The following EEFSEC variants were observed in gnomAD, a reference collection of about 807,000 sequenced individuals.
EEFSEC encodes the protein selenocysteine-specific elongation factor.
Under a neutral mutation model 42.1 loss-of-function variants are expected in EEFSEC, and 43 were observed. The ratio of observed to expected loss-of-function variants is 1.02; its 90% CI spans 0.80 to 1.32. EEFSEC has a LOEUF of 1.32. Among genes scored for constraint, EEFSEC ranks in the 40% most tolerant of loss-of-function variants. The probability of loss-of-function intolerance (pLI) is 0.00; values close to 1 mark genes in which losing one functional copy is unlikely to be tolerated. For missense variants in EEFSEC, 745 were observed against 803.6 expected (o/e 0.93, Z 0.88); for synonymous variants, 354 against 339.1 (o/e 1.04, Z -0.48).
intron 4 of EEFSEC, among the ~76,000 whole-genome samples, chr3:128,301,070 A>G (rs2066762509): frequency 6.6e-6 from 1 of 152,198 alleles, no homozygotes; most frequent in Non-Finnish European, 1.5e-5. Context: ...ATGGAGAAGA[A>G]CCTATCAGCA....
chr3:128,214,296 C>T (rs1270255622), intron 1 of EEFSEC, among the ~76,000 whole-genome samples: 4 of 152,258 alleles, frequency 2.6e-5, no homozygotes, highest in East Asian at 1.9e-4. Flanking sequence ...AGCAGTGAGG[C>T]GAGGGCTGTG....
intron 1 of EEFSEC, among the ~76,000 whole-genome samples, chr3:128,226,032 A>G (rs891971461): frequency 1.4e-4 from 22 of 152,358 alleles, no homozygotes; most frequent in African/African-American, 5.0e-4. Flanking sequence ...ATGCCGGAGA[A>G]CAGAGCCCCA....
chr3:128,276,488 C>T (rs2066469651), intron 4 of EEFSEC, among the ~76,000 whole-genome samples: 1 of 152,194 alleles, frequency 6.6e-6, no homozygotes, highest in Non-Finnish European at 1.5e-5. Context: ...CTCTCTGAGC[C>T]TCAGCTTCCT....
chr3:128,256,026 C>G (rs1408408563), intron 2 of EEFSEC, among the ~76,000 whole-genome samples: 1 of 151,996 alleles, frequency 6.6e-6, no homozygotes, highest in Non-Finnish European at 1.5e-5. Context: ...AAGATGGAGG[C>G]AGTATTATTC....
chr3:128,175,656 G>T (rs553977054), intron 1 of EEFSEC, among the ~76,000 whole-genome samples: 1 of 152,318 alleles, frequency 6.6e-6, no homozygotes, highest in South Asian at 2.1e-4. Context: ...ACAGAGTGCA[G>T]GCTTTGGAAA....
downstream of EEFSEC, among the ~76,000 whole-genome samples, chr3:128,410,289 C>T (rs2068165172): frequency 1.3e-5 from 2 of 152,246 alleles, no homozygotes; most frequent in Admixed American, 1.3e-4. Flanking sequence ...CCAGCCCCCT[C>T]AGAGTCCCTG....
intron 5 of EEFSEC, among the ~76,000 whole-genome samples, chr3:128,355,639 A>G (rs908980998): frequency 7.3e-5 from 11 of 149,992 alleles, no homozygotes; most frequent in Admixed American, 1.3e-4. Context: ...GCCTACAGGC[A>G]TGAGTGAGCC....
chr3:128,233,387 A>G (rs2065978170), intron 1 of EEFSEC, among the ~76,000 whole-genome samples: 1 of 152,212 alleles, frequency 6.6e-6, no homozygotes, highest in Non-Finnish European at 1.5e-5. Context: ...GGTAGTATCC[A>G]TGGGTCTGGC....
downstream of EEFSEC, among the ~76,000 whole-genome samples, chr3:128,412,404 G>C (rs953491871): frequency 2.0e-5 from 3 of 152,248 alleles, no homozygotes; most frequent in African/African-American, 7.2e-5. Context: ...ACCAAGGCCA[G>C]CCCCGCTGAC....
chr3:128,231,709 C>T (rs1312950578), intron 1 of EEFSEC, among the ~76,000 whole-genome samples: 1 of 152,058 alleles, frequency 6.6e-6, no homozygotes, highest in Non-Finnish European at 1.5e-5. Flanking sequence ...TGTCATGTAA[C>T]AAAAGAGTCA....
intron 1 of EEFSEC, among the ~76,000 whole-genome samples, chr3:128,195,214 A>C (rs1292530101): frequency 6.6e-6 from 1 of 152,244 alleles, no homozygotes; most frequent in African/African-American, 2.4e-5. Context: ...GAGTTGAGGA[A>C]ACATGAAAGA....
intron 6 of EEFSEC, among the ~76,000 whole-genome samples, chr3:128,393,599 G>A (rs534000553): frequency 6.6e-6 from 1 of 152,222 alleles, no homozygotes; most frequent in African/African-American, 2.4e-5. Context: ...CACAATGCAG[G>A]ATCTGAGCCT....
rs550115391 is a variant in EEFSEC, at chr3:128,303,618, T to G, written c.787-37615T>G. Reference sequence around the variant, plus strand: ...TCTGTGAGTGAGGAAATGAGCTCTGTGTCAGTTGTGTGGTAAATAACTACT... The same window carrying G: ...TCTGTGAGTGAGGAAATGAGCTCTGGGTCAGTTGTGTGGTAAATAACTACT... On this transcript the variant is annotated intron_variant, in intron 4 of 6. Transcript: ENST00000254730. Among the ~76,000 whole-genome samples, 146 of 152,354 alleles carry G rather than the reference T, an allele frequency of 9.6e-4. 1 individual carries two copies. Among genetic ancestry groups the G allele is most frequent in the African/African-American group, 3.2e-3 (132 of 41,586 alleles).
chr3:128,329,144 G>A (rs1249561047), intron 4 of EEFSEC, among the ~76,000 whole-genome samples: 9 of 152,174 alleles, frequency 5.9e-5, no homozygotes, highest in East Asian at 1.9e-4. Flanking sequence ...CAGCACCCAC[G>A]GAGGGAGAGC....
At chr3:128,406,942 C>T (rs927749070) in intron 6 of EEFSEC, among the ~76,000 whole-genome samples, 1 of 151,418 alleles carries the variant, frequency 6.6e-6, no homozygotes, top group African/African-American at 2.4e-5. Context: ...ATGAAAAAGA[C>T]AAGCTCCAGA....
At chr3:128,220,467 A>G (rs1202799858) in intron 1 of EEFSEC, among the ~76,000 whole-genome samples, 10 of 152,168 alleles carry the variant, frequency 6.6e-5, no homozygotes, top group Non-Finnish European at 1.3e-4. Flanking sequence ...AGAGAGTCAC[A>G]GGAAACAAGA....
intron 6 of EEFSEC, among the ~76,000 whole-genome samples, chr3:128,386,900 C>T (rs1276751464): frequency 6.6e-6 from 1 of 152,240 alleles, no homozygotes; most frequent in Non-Finnish European, 1.5e-5. Context: ...CCGAGGCCCA[C>T]CTCCAACACT....
At chr3:128,203,174 A>T (rs1021671534) in intron 1 of EEFSEC, among the ~76,000 whole-genome samples, 3 of 152,218 alleles carry the variant, frequency 2.0e-5, no homozygotes, top group Non-Finnish European at 4.4e-5. Flanking sequence ...GCAATTTGAG[A>T]CAATTTGTGA....
At chr3:128,245,469 T>G (rs2107895869) in intron 1 of EEFSEC, among the ~76,000 whole-genome samples, 1 of 152,270 alleles carries the variant, frequency 6.6e-6, no homozygotes, top group South Asian at 2.1e-4. Context: ...AGCCTAGCCC[T>G]GTGGCCCCAG....
Sources: gnomAD v4.1 joint callset for allele counts (sites outside exome capture counted in the v4.1 genomes callset) on GRCh38, gnomAD v4.1.1 for gene constraint, MANE v1.5 for transcripts, NCBI Gene and HGNC (gene_info 2026-07-23, HGNC 2026-07-21) for gene names.